Variants in CTNNA3 observed in about 807,000 individuals in gnomAD.
CTNNA3 encodes the protein catenin alpha 3.
A neutral mutation model predicts 95.7 loss-of-function variants in CTNNA3; 76 were observed. That is an observed-to-expected ratio of 0.79 (90% CI 0.66 to 0.96). CTNNA3 has a LOEUF of 0.96. CTNNA3 is among the 40% of genes least tolerant of loss of function. The probability of loss-of-function intolerance (pLI) is 0.00; values close to 1 mark genes in which losing one functional copy is unlikely to be tolerated. For missense variants in CTNNA3, 1,191 were observed against 1,089.8 expected (o/e 1.09, Z -1.31); for synonymous variants, 431 against 374.4 (o/e 1.15, Z -1.74).
rs1001232518 is a variant in CTNNA3 at position 66,311,097 on chromosome 10, A to C, written c.1733-30476T>G. ...AGTGTATCCCAGAATCACTAGAAAA[A>C]GGTAACTATATGCCCACCTTATGTA... On this transcript the variant is annotated intron_variant, in intron 12 of 17. Transcript: ENST00000433211. Among the ~76,000 whole-genome samples, 19 of 152,234 alleles carry C rather than the reference A, an allele frequency of 1.2e-4. 1 individual carries two copies. The highest frequency in any genetic ancestry group is 2.4e-4 in the Non-Finnish European group (16 of 68,046).
At chr10:66,129,865 G>A (rs1056544234) in intron 13 of CTNNA3, among the ~76,000 whole-genome samples, 2 of 152,002 alleles carry the variant, frequency 1.3e-5, no homozygotes, top group African/African-American at 4.8e-5. Flanking sequence ...CAGTGCCTAT[G>A]TGTGCCCTTG....
intron 5 of CTNNA3, among the ~76,000 whole-genome samples, chr10:67,519,635 T>C (rs1486288079): frequency 6.6e-6 from 1 of 152,146 alleles, no homozygotes; most frequent in Non-Finnish European, 1.5e-5. Context: ...TTAGGAGCAC[T>C]GGAGAGGATA....
chr10:67,727,228 ATAT>A lies in CTNNA3; in HGVS notation c.-2+36203_-2+36205del, dbSNP rs1256242817. Among the ~76,000 whole-genome samples the A allele has an allele frequency of 1.8e-4, 22 of 125,384 alleles. No individual in the cohort carries two copies. The East Asian group carries it at 2.7e-3, about 15-fold the overall frequency. 82.3% of individuals were successfully genotyped at this position (125,384 alleles called of 152,430 possible). A position where few individuals can be genotyped will look rare whatever the true frequency, so the allele number is the denominator to read the frequency against. ...ACCTATATGTATATATGTATATTAC[ATAT>A]TATATACTACATATAAATATATAAT... is the stretch of plus-strand genomic sequence containing the variant. On this transcript the variant is annotated intron_variant, in intron 1 of 17. Transcript: ENST00000684154.
chr10:66,753,457 G>C (rs1839239665), intron 9 of CTNNA3, among the ~76,000 whole-genome samples: 1 of 152,202 alleles, frequency 6.6e-6, no homozygotes, highest in African/African-American at 2.4e-5. Flanking sequence ...GAGGTCAGGA[G>C]TTCAAAACCA....
At chr10:66,161,933 A>G (rs2084870606) in intron 13 of CTNNA3, among the ~76,000 whole-genome samples, 1 of 152,104 alleles carries the variant, frequency 6.6e-6, no homozygotes, top group African/African-American at 2.4e-5. Flanking sequence ...GGATTGGGTT[A>G]ATTCAAAGAC....
intron 9 of CTNNA3, among the ~76,000 whole-genome samples, chr10:66,630,337 G>C (rs1845088467): frequency 1.3e-5 from 2 of 151,986 alleles, no homozygotes; most frequent in African/African-American, 4.8e-5. Flanking sequence ...TTCTACAAAG[G>C]CTTAGACAAC....
chr10:66,580,802 T>C (rs928928734), intron 10 of CTNNA3, among the ~76,000 whole-genome samples: 3 of 151,752 alleles, frequency 2.0e-5, no homozygotes, highest in South Asian at 2.1e-4. Context: ...GGTTCTCAGT[T>C]ACATGGATGA....
At chr10:65,930,145 A>T (rs529822731) in intron 17 of CTNNA3, among the ~76,000 whole-genome samples, 1 of 134,466 alleles carries the variant, frequency 7.4e-6, no homozygotes, top group African/African-American at 2.8e-5. Flanking sequence ...AAATAGTGTG[A>T]GGTCAGCTCG....
intron 5 of CTNNA3, among the ~76,000 whole-genome samples, chr10:67,437,278 C>T (rs1048917631): frequency 6.6e-6 from 1 of 151,890 alleles, no homozygotes; most frequent in Admixed American, 6.6e-5. Flanking sequence ...CAATAAGGAC[C>T]CAAAGGCATA....
intron 13 of CTNNA3, among the ~76,000 whole-genome samples, chr10:66,162,784 G>A (rs1374251076): frequency 6.6e-5 from 10 of 152,080 alleles, no homozygotes; most frequent in African/African-American, 2.4e-4. Context: ...AAGGTTATAT[G>A]CCCTTTGTCT....
rs1244379727 is a variant in CTNNA3 at position 67,682,268 on chromosome 10, A to G, written c.-6+13732T>C. 5.3e-5 allele frequency among the ~76,000 whole-genome samples: 8 copies of G among 151,544 alleles called. No individual in the cohort carries two copies. The South Asian group carries it at 8.4e-4, about 16-fold the overall frequency. On this transcript the variant is annotated intron_variant, in intron 1 of 17. Transcript: ENST00000433211. ...TGTGAACACACGAGGCGGAGCTTGCAGTGAGCTGAGATGGCACCACTGCAC... is the reference window on the plus strand; with the variant it reads ...TGTGAACACACGAGGCGGAGCTTGCGGTGAGCTGAGATGGCACCACTGCAC...
At chr10:67,462,472 T>A (rs1233230597) in intron 5 of CTNNA3, among the ~76,000 whole-genome samples, 1 of 152,188 alleles carries the variant, frequency 6.6e-6, no homozygotes, top group Non-Finnish European at 1.5e-5. Flanking sequence ...CACCTTCTAG[T>A]GCCTGGGAAA....
chr10:67,120,895 C>G (rs1859432378), intron 7 of CTNNA3, among the ~76,000 whole-genome samples: 1 of 152,010 alleles, frequency 6.6e-6, no homozygotes, highest in Non-Finnish European at 1.5e-5. Context: ...AATATTGTAC[C>G]ATTAACGTAT....
At chr10:66,626,405 C>T (rs1221402756) in intron 9 of CTNNA3, among the ~76,000 whole-genome samples, 1 of 152,128 alleles carries the variant, frequency 6.6e-6, no homozygotes, top group Non-Finnish European at 1.5e-5. Context: ...CACCACGTCT[C>T]CTAGCTCTCA....
chr10:67,655,685 C>G (rs1040888136), intron 1 of CTNNA3, among the ~76,000 whole-genome samples: 2 of 151,012 alleles, frequency 1.3e-5, no homozygotes, highest in Non-Finnish European at 2.9e-5. Flanking sequence ...ATCCCAGCTA[C>G]TCAGGAGGCT....
At chr10:67,089,468 A>C (rs1857498587) in intron 7 of CTNNA3, among the ~76,000 whole-genome samples, 1 of 152,092 alleles carries the variant, frequency 6.6e-6, no homozygotes, top group East Asian at 1.9e-4. Flanking sequence ...GGAATGCTAA[A>C]GAGTTCTAGG....
intron 7 of CTNNA3, among the ~76,000 whole-genome samples, chr10:66,809,265 AT>A (rs2132257874): frequency 1.3e-5 from 2 of 152,318 alleles, no homozygotes; most frequent in Non-Finnish European, 2.9e-5. Flanking sequence ...AAATGACATC[AT>A]TATGATATTA....
chr10:65,977,287 A>G (rs1308256424), intron 16 of CTNNA3, among the ~76,000 whole-genome samples: 2 of 152,138 alleles, frequency 1.3e-5, no homozygotes, highest in Non-Finnish European at 2.9e-5. Context: ...ACTTTAAGCC[A>G]GTTTTCACGT....
At chr10:67,314,302 T>C (rs1255206036) in intron 5 of CTNNA3, among the ~76,000 whole-genome samples, 1 of 152,168 alleles carries the variant, frequency 6.6e-6, no homozygotes, top group Non-Finnish European at 1.5e-5. Flanking sequence ...TGACTATCTA[T>C]AAAACTGTGT....
Sources: allele counts gnomAD v4.1 joint callset (sites outside exome capture counted in the v4.1 genomes callset), GRCh38; gene constraint gnomAD v4.1.1; transcripts MANE v1.5; gene names NCBI Gene and HGNC (gene_info 2026-07-23, HGNC 2026-07-21).